The following COPS6 variants were observed in gnomAD, a reference collection of about 807,000 sequenced individuals.
COPS6 encodes the protein COP9 signalosome subunit 6.
COPS6 carries 9 observed loss-of-function variants against 41.0 expected under a neutral mutation model. The ratio of observed to expected loss-of-function variants is 0.22; its 90% CI spans 0.13 to 0.38. COPS6 has a LOEUF of 0.38. COPS6 is among the 10% of genes least tolerant of loss of function. The pLI is 1.00. For synonymous variants in COPS6, 179 were observed against 162.9 expected, an observed-to-expected ratio of 1.10 and a Z score of -0.75; for missense variants, 302 against 436.7, an observed-to-expected ratio of 0.69 and a Z score of 2.75.
At position 100,091,039 on chromosome 7, in the gene COPS6, C is replaced by T; in HGVS notation, c.536C>T (p.Ala179Val). 1 of 1,614,136 alleles carries T rather than the reference C, an allele frequency of 6.2e-7. No individual in the cohort carries two copies. The highest frequency in any genetic ancestry group is 8.5e-7 in the Non-Finnish European group (1 of 1,179,986). Reference sequence around the variant, plus strand: ...TTTGTGGGTTACCTTGCCCTGTAGGCCACAATGCTGTTTGCTGAGCTGACC... The same window carrying T: ...TTTGTGGGTTACCTTGCCCTGTAGGTCACAATGCTGTTTGCTGAGCTGACC... ...ESVIDIINGE[A>V]TMLFAELTYT... The change falls in exon 7 of 10, where the codon GCC becomes GTC. Residue 179 changes from alanine to valine, a missense_variant and splice_region_variant. Transcript: ENST00000303904. The surrounding 1 kb of genome is among the most constrained non-coding windows in gnomAD (Gnocchi z 4.1).
rs1281756473 is a variant in COPS6, at chr7:100,091,650, A to C, written c.845A>C (p.Gln282Pro). The C allele has an allele frequency of 6.2e-7, 1 of 1,614,210 alleles. No individual in the cohort carries two copies. The highest frequency in any genetic ancestry group is 8.5e-7 in the Non-Finnish European group (1 of 1,180,050). Residue 282 changes from glutamine to proline, a missense_variant and splice_region_variant, in exon 10 of 10, where the codon CAA becomes CCA. Transcript: ENST00000303904. This position sits in a 1 kb window ranked among gnomAD's most constrained non-coding sequence, Gnocchi z 4.1. ...TDKFKTDFYD[Q>P]CNDVGLMAYL... ...CTGGTCCTTTCTGTTCCCTCCCAGC[A>C]ATGCAACGACGTGGGGCTCATGGCC...
intron 2 of COPS6, 72 bp from the exon 3 acceptor site, chr7:100,089,543 C>G (rs1795283032): frequency 1.2e-6 from 2 of 1,600,048 alleles, no homozygotes; most frequent in African/African-American, 1.3e-5. Flanking sequence ...TACATGGTTC[C>G]CACTGATCTC....
chr7:100,090,967 A>G lies in COPS6; in HGVS notation c.534+18A>G, dbSNP rs1033052393. On this transcript the variant is annotated intron_variant, in intron 6 of 9. Coordinates refer to ENST00000303904, the MANE Select transcript of COPS6 (RefSeq NM_006833.5). ...ATGGAGAGGTAATACCCTACCCTTC[A>G]ACCCTCAGATCCTGCTCTTGGCCTC... The G allele has an allele frequency of 6.2e-7, 1 of 1,614,082 alleles. No homozygotes were observed. The highest frequency in any genetic ancestry group is 2.2e-5 in the East Asian group (1 of 44,884).
In COPS6 at chr7:100,091,360, C is replaced by T; in HGVS notation, c.742+30C>T. The T allele has an allele frequency of 1.2e-6, 2 of 1,613,374 alleles. No individual in the cohort carries two copies. The highest frequency in any genetic ancestry group is 2.2e-5 in the East Asian group (1 of 44,880). ...GACAGGGGCTTCCCTGGCATTCTTCCTCTCCCTCCTGGGGAAGTGACAGCA... is the reference window on the plus strand; with the variant it reads ...GACAGGGGCTTCCCTGGCATTCTTCTTCTCCCTCCTGGGGAAGTGACAGCA... On this transcript the variant is annotated intron_variant, in intron 8 of 9. Coordinates refer to ENST00000303904, the MANE Select transcript of COPS6 (RefSeq NM_006833.5). This position sits in a 1 kb window ranked among gnomAD's most constrained non-coding sequence, Gnocchi z 4.1.
At chr7:100,089,134 C>G in intron 1 of COPS6, 68 bp downstream of exon 1, 1 of 1,469,240 alleles carries the variant, frequency 6.8e-7, no homozygotes, top group Non-Finnish European at 9.0e-7. Context: ...TCCCTGTGCT[C>G]CCGGGAGAAG....
At position 100,091,586 on chromosome 7, in the gene COPS6, C is replaced by G; in HGVS notation, c.844-63C>G. The stretch of plus-strand genomic sequence containing the variant: ...TCACTTTCACGTGCAGGACTGGGGA[C>G]TGTTGTTCCCCGGGCATGCCACGAG... On this transcript the variant is annotated intron_variant, in intron 9 of 9. Transcript: ENST00000303904. The surrounding 1 kb of genome is among the most constrained non-coding windows in gnomAD (Gnocchi z 4.1). The G allele has an allele frequency of 2.5e-6, 4 of 1,613,556 alleles. No homozygotes were observed. Among genetic ancestry groups the G allele is most frequent in the Admixed American group, 1.7e-5 (1 of 60,012 alleles).
At position 100,090,913 on chromosome 7, in the gene COPS6, C is replaced by T. The variant is rs757432837; in HGVS notation, c.498C>T (p.Ser166=). 4 of 1,614,208 alleles carry T rather than the reference C, an allele frequency of 2.5e-6. No homozygotes were observed. The highest frequency in any genetic ancestry group is 1.1e-5 in the South Asian group (1 of 91,084). ...CGTCTCCTTCACAGCTTCCTGTCAGCGTTTTTGAGTCTGTCATTGATATAA... is the reference window on the plus strand; with the variant it reads ...CGTCTCCTTCACAGCTTCCTGTCAGTGTTTTTGAGTCTGTCATTGATATAA... ...PMTKHTDLPV[S]VFESVIDIIN... Residue 166 remains serine, a synonymous_variant, in exon 6 of 10, where the codon AGC becomes AGT. Coordinates refer to ENST00000303904, the MANE Select transcript of COPS6 (RefSeq NM_006833.5).
intron 2 of COPS6, 92 bp downstream of exon 2, chr7:100,089,507 C>T: frequency 1.2e-6 from 2 of 1,601,666 alleles, no homozygotes; most frequent in Non-Finnish European, 1.7e-6. Flanking sequence ...GCCAATTCCC[C>T]CTCCCCCAAA....
chr7:100,091,020 G>C lies in COPS6; in HGVS notation c.535-18G>C. 1 of 1,613,970 alleles carries C rather than the reference G, an allele frequency of 6.2e-7. No individual in the cohort carries two copies. ...TCCTGCTTTTGATTCTCCCTTTGTG[G>C]GTTACCTTGCCCTGTAGGCCACAAT... is the stretch of plus-strand genomic sequence containing the variant. On this transcript the variant is annotated intron_variant, in intron 6 of 9. Coordinates refer to ENST00000303904, the MANE Select transcript of COPS6 (RefSeq NM_006833.5). This position sits in a 1 kb window ranked among gnomAD's most constrained non-coding sequence, Gnocchi z 4.1.
chr7:100,089,654 T>C lies in COPS6; in HGVS notation c.242T>C (p.Ile81Thr). The change falls in exon 3 of 10, where the codon ATC becomes ACC. Residue 81 changes from isoleucine (I) to threonine (T), a missense_variant. Transcript: ENST00000303904. ...ALIGKQEGRN[I>T]EVMNSFELLS... ...ATTGGCAAGCAGGAGGGCCGAAATA[T>C]CGAGGTGATGAACTCCTTTGAGCTG... 2 of 1,613,412 alleles carry C rather than the reference T, an allele frequency of 1.2e-6. No homozygotes were observed. The highest frequency in any genetic ancestry group is 1.7e-6 in the Non-Finnish European group (2 of 1,179,792).
In COPS6 at chr7:100,091,710, T is replaced by C. The variant is rs749647179; in HGVS notation, c.905T>C (p.Met302Thr). The C allele has an allele frequency of 1.9e-6, 3 of 1,614,218 alleles. No homozygotes were observed. Among genetic ancestry groups the C allele is most frequent in the Non-Finnish European group, 1.7e-6 (2 of 1,180,044 alleles). ...ACCATCACCAAAACGTGCAACACCATGAACCAGTTTGTGAACAAGTTCAAT... is the reference window on the plus strand; with the variant it reads ...ACCATCACCAAAACGTGCAACACCACGAACCAGTTTGTGAACAAGTTCAAT... ...LGTITKTCNT[M>T]NQFVNKFNVL... is the part of the protein sequence containing the mutation. Residue 302 changes from methionine to threonine, a missense_variant, in exon 10 of 10, where the codon ATG becomes ACG. This residue lies in a region of COPS6 where 222 missense variants were observed against 309.0 expected (regional missense o/e 0.72). Coordinates refer to ENST00000303904, the MANE Select transcript of COPS6 (RefSeq NM_006833.5). This position sits in a 1 kb window ranked among gnomAD's most constrained non-coding sequence, Gnocchi z 4.1.
Position 100,091,164 on chromosome 7 carries a change from G to T in COPS6, c.649+12G>T. Reference sequence around the variant, plus strand: ...AGAGAACTCCACTGGTAATGGAGGGGATTCCTTGGAAGTGGGGTTGGAAGG... The same window carrying T: ...AGAGAACTCCACTGGTAATGGAGGGTATTCCTTGGAAGTGGGGTTGGAAGG... On this transcript the variant is annotated intron_variant, in intron 7 of 9. Transcript: ENST00000303904. This position sits in a 1 kb window ranked among gnomAD's most constrained non-coding sequence, Gnocchi z 4.1. 6.2e-7 allele frequency: 1 copy of T among 1,613,716 alleles called. No individual in the cohort carries two copies. The highest frequency in any genetic ancestry group is 8.5e-7 in the Non-Finnish European group (1 of 1,179,590).
intron 5 of COPS6, 69 bp from the exon 6 acceptor site, chr7:100,090,833 G>A (rs897375604): frequency 3.2e-6 from 5 of 1,560,316 alleles, no homozygotes; most frequent in African/African-American, 1.4e-5. Context: ...GAAGATGAGA[G>A]GAAATGTGTA....
chr7:100,090,351 A>G (rs79473896), intron 3 of COPS6, 48 bp from the exon 4 acceptor site: 7 of 890,948 alleles, frequency 7.9e-6, no homozygotes, highest in Admixed American at 2.9e-5. Flanking sequence ...CCGTCTCAGA[A>G]AAAAAAAAAA....
At position 100,091,377 on chromosome 7, in the gene COPS6, G is replaced by T. The variant is rs1033610365; in HGVS notation, c.743-43G>T. 1.9e-6 allele frequency: 3 copies of T among 1,613,216 alleles called. No individual in the cohort carries two copies. Among genetic ancestry groups the T allele is most frequent in the Non-Finnish European group, 2.5e-6 (3 of 1,179,146 alleles). ...CATTCTTCCTCTCCCTCCTGGGGAA[G>T]TGACAGCATCCAAACTAATGTAGTC... On this transcript the variant is annotated intron_variant, in intron 8 of 9. Transcript: ENST00000303904. This position sits in a 1 kb window ranked among gnomAD's most constrained non-coding sequence, Gnocchi z 4.1.
At position 100,091,644 on chromosome 7, in the gene COPS6, C is replaced by T. The variant is rs371103105; in HGVS notation, c.844-5C>T. The stretch of plus-strand genomic sequence containing the variant: ...GAGGAACTGGTCCTTTCTGTTCCCT[C>T]CCAGCAATGCAACGACGTGGGGCTC... On this transcript the variant is annotated splice_polypyrimidine_tract_variant and splice_region_variant and intron_variant, in intron 9 of 9. Transcript: ENST00000303904. This position sits in a 1 kb window ranked among gnomAD's most constrained non-coding sequence, Gnocchi z 4.1. The T allele has an allele frequency of 5.0e-6, 8 of 1,614,130 alleles. No individual in the cohort carries two copies. Among genetic ancestry groups the T allele is most frequent in the East Asian group, 4.5e-5 (2 of 44,904 alleles).
chr7:100,091,641 C>G lies in COPS6; in HGVS notation c.844-8C>G. The G allele has an allele frequency of 1.2e-6, 2 of 1,614,194 alleles. No homozygotes were observed. Reference sequence around the variant, plus strand: ...CCCGAGGAACTGGTCCTTTCTGTTCCCTCCCAGCAATGCAACGACGTGGGG... The same window carrying G: ...CCCGAGGAACTGGTCCTTTCTGTTCGCTCCCAGCAATGCAACGACGTGGGG... On this transcript the variant is annotated splice_polypyrimidine_tract_variant and splice_region_variant and intron_variant, in intron 9 of 9. Transcript: ENST00000303904. This position sits in a 1 kb window ranked among gnomAD's most constrained non-coding sequence, Gnocchi z 4.1.
Position 100,089,283 on chromosome 7 carries a change from C to T in COPS6, c.77-7C>T, listed in dbSNP as rs1300702347. The T allele has an allele frequency of 3.1e-6, 5 of 1,613,666 alleles. No homozygotes were observed. The highest frequency in any genetic ancestry group is 4.2e-6 in the Non-Finnish European group (5 of 1,179,802). On this transcript the variant is annotated splice_polypyrimidine_tract_variant and splice_region_variant and intron_variant, in intron 1 of 9. Coordinates refer to ENST00000303904, the MANE Select transcript of COPS6 (RefSeq NM_006833.5). The stretch of plus-strand genomic sequence containing the variant: ...TCTCACCCTCTCTCCTTTCCCTCCA[C>T]CCTTAGTAGTCCCCAGCGTGATGGC...
rs779537986 is a variant in COPS6 at position 100,090,914 on chromosome 7, G to A, written c.499G>A (p.Val167Ile). The A allele has an allele frequency of 6.8e-6, 11 of 1,614,044 alleles. No individual in the cohort carries two copies. The highest frequency in any genetic ancestry group is 2.7e-5 in the African/African-American group (2 of 74,920). The change falls in exon 6 of 10, where the codon GTT (valine) becomes ATT (isoleucine). Residue 167 changes from valine (V) to isoleucine (I), a missense_variant. Val to Ile is a conservative substitution (Grantham distance 29). Coordinates refer to ENST00000303904, the MANE Select transcript of COPS6 (RefSeq NM_006833.5). ...GTCTCCTTCACAGCTTCCTGTCAGC[G>A]TTTTTGAGTCTGTCATTGATATAAT... ...MTKHTDLPVS[V>I]FESVIDIING...
Sources: allele counts gnomAD v4.1 joint callset, GRCh38; gene constraint gnomAD v4.1.1; regional missense constraint gnomAD v4.1.1; non-coding constraint Gnocchi (gnomAD v3.1); transcripts MANE v1.5; gene names NCBI Gene and HGNC (gene_info 2026-07-23, HGNC 2026-07-21).